Variants in ATG2B observed in about 807,000 individuals in gnomAD.
The protein encoded by ATG2B is autophagy related 2B, also known as autophagy-related protein 2 homolog B.
Under a neutral mutation model 241.3 loss-of-function variants are expected in ATG2B, and 121 were observed. The observed-to-expected ratio is 0.50, with a 90% CI of 0.43 to 0.58. The LOEUF (loss-of-function observed/expected upper bound fraction) is 0.58. Ranked by LOEUF, ATG2B falls within the 20% of genes least tolerant of loss-of-function variation. The probability of loss-of-function intolerance (pLI) is 0.00; values close to 1 mark genes in which losing one functional copy is unlikely to be tolerated. For synonymous variants in ATG2B, 858 were observed against 876.6 expected, an observed-to-expected ratio of 0.98 and a Z score of 0.37; for missense variants, 2,306 against 2,491.6, an observed-to-expected ratio of 0.93 and a Z score of 1.59.
rs1330196532 is a variant in ATG2B, at chr14:96,295,002, G to A, written c.5384C>T (p.Ser1795Phe). 6 of 1,614,090 alleles carry A rather than the reference G, an allele frequency of 3.7e-6. No individual in the cohort carries two copies. The highest frequency in any genetic ancestry group is 5.1e-6 in the Non-Finnish European group (6 of 1,180,046). The stretch of plus-strand genomic sequence containing the variant: ...ATCCCTAAAAGATGCTTCTTCAGCA[G>A]AGAAGTTCTTCTCTTCCATGCCATT... Reference protein sequence around the residue: ...VVNGMEEKNFSAEEASFRDQP... With the variant: ...VVNGMEEKNFFAEEASFRDQP... Residue 1795 changes from serine to phenylalanine, a missense_variant, in exon 36 of 42, where the codon TCT becomes TTT. Coordinates refer to ENST00000359933, the MANE Select transcript of ATG2B (RefSeq NM_018036.7).
At chr14:96,323,197 A>C (rs560934591) in intron 16 of ATG2B, among the ~76,000 whole-genome samples, 1 of 152,332 alleles carries the variant, frequency 6.6e-6, no homozygotes, top group South Asian at 2.1e-4. Flanking sequence ...CTCTAACAAC[A>C]AAGTTATGTT....
intron 5 of ATG2B, 115 bp downstream of exon 5, chr14:96,343,004 C>G (rs1172792207): frequency 2.4e-5 from 17 of 704,502 alleles, no homozygotes; most frequent in Non-Finnish European, 3.5e-5. Context: ...TGCATTAAAT[C>G]TCAAGACAGA....
chr14:96,304,606 A>G lies in ATG2B; in HGVS notation c.4734-3T>C. 1 of 1,539,104 alleles carries G rather than the reference A, an allele frequency of 6.5e-7. No homozygotes were observed. Among genetic ancestry groups the G allele is most frequent in the South Asian group, 1.2e-5 (1 of 84,984 alleles). ...GAGAAGGCGAACTGTGGGGACTACT[A>G]AAAATGAGCAAAAAAAAAAAAAACC... On this transcript the variant is annotated splice_region_variant and splice_polypyrimidine_tract_variant and intron_variant, in intron 31 of 41. Transcript: ENST00000359933.
At position 96,302,107 on chromosome 14, in the gene ATG2B, A is replaced by C; in HGVS notation, c.5039T>G (p.Leu1680Trp). 1 of 1,600,860 alleles carries C rather than the reference A, an allele frequency of 6.2e-7. No individual in the cohort carries two copies. Residue 1680 changes from leucine to tryptophan, a missense_variant and splice_region_variant, in exon 34 of 42, where the codon TTG (leucine) becomes TGG (tryptophan). Around this residue, in one of 2 missense-constraint regions of ATG2B, gnomAD observed 1,927 missense variants for 2,011.2 expected, o/e 0.96. Coordinates refer to ENST00000359933, the MANE Select transcript of ATG2B (RefSeq NM_018036.7). ...ACACACGTGTAAGGCTTTCACTGTC[A>C]ACTACAAGGCAAGAAAGAGAATAAC... ...EMPRKAHSNM[L>W]TVKALHVCPE...
intron 20 of ATG2B, 24 bp downstream of exon 20, chr14:96,317,121 A>G: frequency 6.3e-7 from 1 of 1,575,552 alleles, no homozygotes; most frequent in Non-Finnish European, 8.6e-7. Context: ...ATTTGAAAAA[A>G]CACTTCGGAT....
intron 31 of ATG2B, among the ~76,000 whole-genome samples, chr14:96,305,110 C>G (rs1242255453): frequency 6.6e-6 from 1 of 152,184 alleles, no homozygotes; most frequent in Non-Finnish European, 1.5e-5. Flanking sequence ...AGTCTGCCCC[C>G]TACAGGGATT....
At chr14:96,339,147 C>T (rs1379455747) in intron 6 of ATG2B, among the ~76,000 whole-genome samples, 1 of 151,778 alleles carries the variant, frequency 6.6e-6, no homozygotes, top group African/African-American at 2.4e-5. Flanking sequence ...GGATGGACAT[C>T]GTAAAAAAGG....
intron 34 of ATG2B, among the ~76,000 whole-genome samples, chr14:96,298,521 G>T (rs1359530869): frequency 6.6e-6 from 1 of 152,272 alleles, no homozygotes; most frequent in South Asian, 2.1e-4. Context: ...CAAAACCATG[G>T]AACAACCTCA....
At chr14:96,346,713 T>G (rs1888178670) in intron 2 of ATG2B, among the ~76,000 whole-genome samples, 1 of 152,210 alleles carries the variant, frequency 6.6e-6, no homozygotes, top group African/African-American at 2.4e-5. Flanking sequence ...TACTGATTTA[T>G]CTGTATCAGT....
chr14:96,335,287 T>C (rs1384632028), intron 6 of ATG2B, among the ~76,000 whole-genome samples: 1 of 152,152 alleles, frequency 6.6e-6, no homozygotes, highest in Non-Finnish European at 1.5e-5. Flanking sequence ...TGAAAAATAA[T>C]AGAATTAACA....
intron 7 of ATG2B, 71 bp downstream of exon 7, chr14:96,334,334 C>T: frequency 1.1e-6 from 1 of 884,592 alleles, no homozygotes; most frequent in Non-Finnish European, 1.7e-6. Flanking sequence ...CATGTACATA[C>T]ATTACATATT....
intron 36 of ATG2B, chr14:96,293,068 G>C (rs1389552850): frequency 1.3e-5 from 2 of 152,104 alleles, no homozygotes; most frequent in Non-Finnish European, 2.9e-5. Flanking sequence ...ATAGAGGGCT[G>C]GTTGTACACT....
chr14:96,339,008 G>A (rs1887938251), intron 6 of ATG2B, among the ~76,000 whole-genome samples: 2 of 151,960 alleles, frequency 1.3e-5, no homozygotes, highest in Admixed American at 1.3e-4. Flanking sequence ...TATTTAAACA[G>A]CCAACAACCA....
intron 1 of ATG2B, among the ~76,000 whole-genome samples, chr14:96,358,711 TTTTCCACACCAGTCCTATGAAGTG>T (rs1417640730): frequency 6.6e-6 from 1 of 152,060 alleles, no homozygotes; most frequent in African/African-American, 2.4e-5. Flanking sequence ...TCAAGCAACA[TTTTCCACACCAGTCCTATGAAGTG>T]TTTCCTCACC....
At chr14:96,352,663 AAAG>A (rs1289173741) in intron 1 of ATG2B, among the ~76,000 whole-genome samples, 1 of 142,354 alleles carries the variant, frequency 7.0e-6, no homozygotes, top group Admixed American at 6.7e-5. Context: ...ATAAGAATAT[AAAG>A]AAAAAGTATT....
At position 96,285,769 on chromosome 14, in the gene ATG2B, G is replaced by A; in HGVS notation, c.6223C>T (p.His2075Tyr). Residue 2075 changes from histidine to tyrosine, a missense_variant, in exon 42 of 42, where the codon CAC (histidine) becomes TAC (tyrosine). His to Tyr is a moderately conservative substitution (Grantham distance 83, BLOSUM62 2). Coordinates refer to ENST00000359933, the MANE Select transcript of ATG2B (RefSeq NM_018036.7). This position sits in a 1 kb window ranked among gnomAD's most constrained non-coding sequence, Gnocchi z 4.2. Reference sequence around the variant, plus strand: ...GTTCCAAGCCATCAGTCATCCCCGTGGCGCCATTTCTGTGACTCGTCTTGC... The same window carrying A: ...GTTCCAAGCCATCAGTCATCCCCGTAGCGCCATTTCTGTGACTCGTCTTGC... ...VRQDESQKWRHGDD is the reference protein window; with the variant it reads ...VRQDESQKWRYGDD 2 of 1,613,756 alleles carry A rather than the reference G, an allele frequency of 1.2e-6. No homozygotes were observed. Among genetic ancestry groups the A allele is most frequent in the Admixed American group, 1.7e-5 (1 of 60,008 alleles).
In ATG2B at chr14:96,360,547, CAA is replaced by C. The variant is rs1595339623; in HGVS notation, c.162+2266_162+2267del. Among the ~76,000 whole-genome samples the C allele has an allele frequency of 3.9e-5, 6 of 152,136 alleles. 1 individual carries two copies. In the South Asian group the frequency reaches 1.2e-3, roughly 32 times the overall value. On this transcript the variant is annotated intron_variant, in intron 1 of 41. Transcript: ENST00000359933. ...TTCCAACCAATCTAAGTCTTCTGAA[CAA>C]AGAGCTTGAAAAACTGAATTTTAAA... is the stretch of plus-strand genomic sequence containing the variant.
intron 25 of ATG2B, among the ~76,000 whole-genome samples, chr14:96,312,554 C>T (rs1279751084): frequency 6.6e-6 from 1 of 152,016 alleles, no homozygotes; most frequent in African/African-American, 2.4e-5. Context: ...CTAGCCTGGG[C>T]AACACAGCAA....
Position 96,289,613 on chromosome 14 carries a change from C to G in ATG2B, c.6006+43G>C. The G allele has an allele frequency of 6.3e-7, 1 of 1,594,820 alleles. No individual in the cohort carries two copies. The highest frequency in any genetic ancestry group is 8.5e-7 in the Non-Finnish European group (1 of 1,170,938). Reference sequence around the variant, plus strand: ...GCTCTTTAGGTGAAAGTTGGGAAAGCGCACAGAAGGGTTCTGATGTGTCCA... The same window carrying G: ...GCTCTTTAGGTGAAAGTTGGGAAAGGGCACAGAAGGGTTCTGATGTGTCCA... On this transcript the variant is annotated intron_variant, in intron 41 of 41. Transcript: ENST00000359933. The surrounding 1 kb of genome is among the most constrained non-coding windows in gnomAD (Gnocchi z 4.3).
Sources: allele counts gnomAD v4.1 joint callset (sites outside exome capture counted in the v4.1 genomes callset), GRCh38; gene constraint gnomAD v4.1.1; regional missense constraint gnomAD v4.1.1; non-coding constraint Gnocchi (gnomAD v3.1); transcripts MANE v1.5; gene names NCBI Gene and HGNC (gene_info 2026-07-23, HGNC 2026-07-21).